The following CNTNAP3B variants were observed in gnomAD, a reference collection of about 807,000 sequenced individuals.
CNTNAP3B encodes the protein contactin associated protein family member 3B.
In CNTNAP3B, 25 loss-of-function variants were observed where a neutral mutation model predicts 108.9. That is an observed-to-expected ratio of 0.23 (90% CI 0.17 to 0.32). The LOEUF (loss-of-function observed/expected upper bound fraction) is 0.32. Ranked by LOEUF, CNTNAP3B falls within the 10% of genes least tolerant of loss-of-function variation. CNTNAP3B has a pLI of 1.00. For missense variants in CNTNAP3B, 252 were observed against 1,210.4 expected, an observed-to-expected ratio of 0.21 and a Z score of 11.75; for synonymous variants, 103 against 473.4, an observed-to-expected ratio of 0.22 and a Z score of 10.16.
intron 14 of CNTNAP3B, among the ~76,000 whole-genome samples, chr9:41,934,186 CACAT>C (rs1288886341): frequency 8.3e-5 from 11 of 132,034 alleles, no homozygotes; most frequent in African/African-American, 3.3e-4. Flanking sequence ...TACACACACA[CACAT>C]ATATATATAC....
Position 42,061,478 on chromosome 9 carries a change from C to T in CNTNAP3B, c.390+15391G>A, listed in dbSNP as rs868868985. Among the ~76,000 whole-genome samples the T allele has an allele frequency of 2.6e-4, 35 of 133,162 alleles. 1 individual carries two copies. The highest frequency in any genetic ancestry group is 1.0e-3 in the African/African-American group (34 of 32,896). 87.4% of individuals were successfully genotyped at this position (133,162 alleles called of 152,430 possible). ...GACAGCAGGCGAGCACCATGCCCAG[C>T]TAATTTTTGTATTTTAGAAGAGATG... On this transcript the variant is annotated intron_variant, in intron 3 of 23. Coordinates refer to ENST00000377561, the MANE Select transcript of CNTNAP3B (RefSeq NM_001201380.3).
chr9:41,955,150 T>C (rs1354456695), intron 12 of CNTNAP3B, among the ~76,000 whole-genome samples: 1 of 143,386 alleles, frequency 7.0e-6, no homozygotes, highest in Non-Finnish European at 1.5e-5. Flanking sequence ...TGTTCATGAT[T>C]TCTTGTACAA....
intron 13 of CNTNAP3B, among the ~76,000 whole-genome samples, chr9:41,944,799 C>T (rs1405216431): frequency 1.3e-5 from 2 of 152,284 alleles, no homozygotes; most frequent in African/African-American, 2.4e-5. Context: ...AGCTTCTGCA[C>T]AGCAAAAGAA....
chr9:41,934,757 G>A (rs1286190248), intron 14 of CNTNAP3B, among the ~76,000 whole-genome samples: 1 of 152,230 alleles, frequency 6.6e-6, no homozygotes, highest in South Asian at 2.1e-4. Context: ...TTGTAAACAA[G>A]CTATAGCTTC....
chr9:42,121,734 C>G (rs1229012471), intron 1 of CNTNAP3B, among the ~76,000 whole-genome samples: 1 of 139,962 alleles, frequency 7.1e-6, no homozygotes, highest in Non-Finnish European at 1.5e-5. Flanking sequence ...GTTTGCTTAT[C>G]TATAGGTAAG....
At chr9:42,125,893 C>T (rs1228603801) in intron 1 of CNTNAP3B, among the ~76,000 whole-genome samples, 21 of 127,594 alleles carry the variant, frequency 1.6e-4, no homozygotes, top group African/African-American at 5.7e-4. Flanking sequence ...GCTGAGATTA[C>T]AGCTGTGAGC....
chr9:41,933,205 T>A (rs1465890004), intron 14 of CNTNAP3B, among the ~76,000 whole-genome samples: 1 of 152,252 alleles, frequency 6.6e-6, no homozygotes. Context: ...ACTGATATTT[T>A]GGGCTAATTT....
chr9:42,115,167 T>C (rs550758918), intron 1 of CNTNAP3B, among the ~76,000 whole-genome samples: 1 of 138,484 alleles, frequency 7.2e-6, no homozygotes, highest in African/African-American at 2.9e-5. Flanking sequence ...CTAAATGCAA[T>C]CAAAGAGATT....
chr9:41,928,550 A>C (rs1374739846), intron 15 of CNTNAP3B, among the ~76,000 whole-genome samples: 2 of 152,236 alleles, frequency 1.3e-5, no homozygotes, highest in African/African-American at 4.8e-5. Context: ...GAGACACCAC[A>C]CCATCTGGCA....
chr9:41,962,748 G>A (rs537828671), intron 11 of CNTNAP3B, among the ~76,000 whole-genome samples: 1 of 151,594 alleles, frequency 6.6e-6, no homozygotes, highest in Non-Finnish European at 1.5e-5. Context: ...AAGGTCAGGA[G>A]ATCGAGACCA....
intron 12 of CNTNAP3B, among the ~76,000 whole-genome samples, chr9:41,956,495 G>T (rs1220527324): frequency 6.6e-6 from 1 of 152,226 alleles, no homozygotes; most frequent in Non-Finnish European, 1.5e-5. Context: ...TGTAAACGGG[G>T]ATTGTCTGCA....
chr9:41,972,833 T>C (rs1160170497), intron 9 of CNTNAP3B, among the ~76,000 whole-genome samples: 1 of 137,950 alleles, frequency 7.2e-6, no homozygotes, highest in East Asian at 2.2e-4. Context: ...AAGAGGATTA[T>C]TAATTCAATA....
At chr9:42,100,284 C>T (rs1432304918) in intron 2 of CNTNAP3B, among the ~76,000 whole-genome samples, 1 of 73,490 alleles carries the variant, frequency 1.4e-5, no homozygotes, top group Admixed American at 1.6e-4. Flanking sequence ...ACACAATACA[C>T]TAAAACATTC....
At position 42,097,332 on chromosome 9, in the gene CNTNAP3B, G is replaced by A. The variant is rs143397212; in HGVS notation, c.196+7297C>T. The stretch of plus-strand genomic sequence containing the variant: ...TTCAAACATTCCTCCCGCACCGCCT[G>A]TTCAGTTGCCTGGGTAAAACTGCCC... On this transcript the variant is annotated intron_variant, in intron 2 of 23. Coordinates refer to ENST00000377561, the MANE Select transcript of CNTNAP3B (RefSeq NM_001201380.3). 9.8e-4 allele frequency among the ~76,000 whole-genome samples: 137 copies of A among 140,200 alleles called. 27 individuals are homozygous for A. Among genetic ancestry groups the A allele is most frequent in the Middle Eastern group, 7.0e-3 (2 of 286 alleles). 92.0% of individuals were successfully genotyped at this position (140,200 alleles called of 152,430 possible).
rs575194921 is a variant in CNTNAP3B, at chr9:42,120,537, G to A, written c.85+8473C>T. Among the ~76,000 whole-genome samples, 7 of 137,070 alleles carry A rather than the reference G, an allele frequency of 5.1e-5. 1 individual carries two copies. Among genetic ancestry groups the A allele is most frequent in the South Asian group, 4.8e-4 (2 of 4,194 alleles). The allele number at this position is 137,070 out of a possible 152,430, so 89.9% of individuals were successfully genotyped here. On this transcript the variant is annotated intron_variant, in intron 1 of 23. Coordinates refer to ENST00000377561, the MANE Select transcript of CNTNAP3B (RefSeq NM_001201380.3). ...ACACATGCACACGTATGTTTATTGC[G>A]GGACTATTCACAATAGCAAGACTTG...
intron 14 of CNTNAP3B, among the ~76,000 whole-genome samples, chr9:41,934,101 A>ATATATATGTGTG (rs1491545019): frequency 6.7e-4 from 24 of 35,648 alleles, no homozygotes; most frequent in African/African-American, 2.3e-3. Flanking sequence ...TATTTGTTAC[A>ATATATATGTGTG]TATATATATA....
At chr9:42,087,626 C>T (rs1459076545) in intron 2 of CNTNAP3B, among the ~76,000 whole-genome samples, 1 of 143,538 alleles carries the variant, frequency 7.0e-6, no homozygotes, top group Non-Finnish European at 1.5e-5. Context: ...TAATATAGTT[C>T]ACAGGTGTTG....
chr9:41,949,978 A>G (rs1824629560), intron 13 of CNTNAP3B, among the ~76,000 whole-genome samples: 1 of 151,912 alleles, frequency 6.6e-6, no homozygotes, highest in Non-Finnish European at 1.5e-5. Flanking sequence ...CAAATCACAT[A>G]TCCAACAAAA....
chr9:42,098,937 A>G (rs151024381), intron 2 of CNTNAP3B, among the ~76,000 whole-genome samples: 4,664 of 134,216 alleles, frequency 0.035, 1,132 homozygotes, highest in African/African-American at 0.13. Flanking sequence ...ATACCTGGGC[A>G]AATGCTTACC....
Sources: allele counts gnomAD v4.1 joint callset (sites outside exome capture counted in the v4.1 genomes callset), GRCh38; gene constraint gnomAD v4.1.1; transcripts MANE v1.5; gene names NCBI Gene and HGNC (gene_info 2026-07-23, HGNC 2026-07-21).